The following AUTS2 variants were observed in gnomAD, a reference collection of about 807,000 sequenced individuals.
AUTS2 encodes the protein activator of transcription and developmental regulator AUTS2.
In AUTS2, 17 loss-of-function variants were observed where a neutral mutation model predicts 112.4. The observed-to-expected ratio is 0.15, with a 90% CI of 0.10 to 0.23. AUTS2 has a LOEUF of 0.23. AUTS2 is among the 10% of genes least tolerant of loss of function. The pLI is 1.00. For synonymous variants in AUTS2, 751 were observed against 702.7 expected, an observed-to-expected ratio of 1.07 and a Z score of -1.09; for missense variants, 1,510 against 1,701.6, an observed-to-expected ratio of 0.89 and a Z score of 1.98.
rs73170214 is a variant in AUTS2 at position 70,771,460 on chromosome 7, T to A, written c.1735-89T>A. 131,638 of 1,102,522 alleles carry A rather than the reference T, an allele frequency of 0.12. 8,384 individuals are homozygous for A. The highest frequency in any genetic ancestry group is 0.14 in the Non-Finnish European group (101,792 of 753,956). The allele number at this position is 1,102,522 out of a possible 1,614,324, so 68.3% of individuals were successfully genotyped here. On this transcript the variant is annotated intron_variant, in intron 10 of 18. Transcript: ENST00000342771. ...AAACTGAGATTACGTGGCTTGCTCA[T>A]GTCGATGTCTTTCTATGGGACGGGA...
chr7:69,614,367 T>TCTTTCTTTTCTTTCTTTTC lies in AUTS2; in HGVS notation c.309+14405_309+14406insCTTTCTTTTCTTTCTTTTC, dbSNP rs57602451. On this transcript the variant is annotated intron_variant, in intron 1 of 18. Transcript: ENST00000342771. ...TTCTTTCTTTCTTTCTTTCTTTCTT[T>TCTTTCTTTTCTTTCTTTTC]TTTTAAGAGATGGGATCTCACTCTG... 1.6e-4 allele frequency among the ~76,000 whole-genome samples: 14 copies of TCTTTCTTTTCTTTCTTTTC among 90,282 alleles called. 1 individual carries two copies. The highest frequency in any genetic ancestry group is 3.9e-4 in the East Asian group (1 of 2,536). The allele number at this position is 90,282 out of a possible 152,430, so 59.2% of individuals were successfully genotyped here. A position where few individuals can be genotyped will look rare whatever the true frequency, so the allele number is the denominator to read the frequency against.
rs547033685 is a variant in AUTS2 at position 70,347,459 on chromosome 7, T to A, written c.661-88293T>A. Among the ~76,000 whole-genome samples, 10 of 152,308 alleles carry A rather than the reference T, an allele frequency of 6.6e-5. No individual in the cohort carries two copies. In the South Asian group the frequency reaches 1.9e-3, roughly 28 times the overall value. On this transcript the variant is annotated intron_variant, in intron 4 of 18. Coordinates refer to ENST00000342771, the MANE Select transcript of AUTS2 (RefSeq NM_015570.4). ...GCTATTTAATGAAGGTGGGCATGTA[T>A]GGGTGAATATTCCCAGTGTTTCAGG...
At chr7:70,561,886 A>G (rs1409542455) in intron 5 of AUTS2, among the ~76,000 whole-genome samples, 1 of 151,868 alleles carries the variant, frequency 6.6e-6, no homozygotes, top group Non-Finnish European at 1.5e-5. Flanking sequence ...TTTTGTTGAC[A>G]TTGCATCTCC....
intron 1 of AUTS2, among the ~76,000 whole-genome samples, chr7:69,851,861 A>G (rs927286874): frequency 6.6e-6 from 1 of 152,186 alleles, no homozygotes; most frequent in Non-Finnish European, 1.5e-5. Flanking sequence ...GTTGACTTCT[A>G]GGAGTTTTTA....
intron 4 of AUTS2, among the ~76,000 whole-genome samples, chr7:70,332,301 A>C (rs978328066): frequency 4.6e-5 from 7 of 152,122 alleles, no homozygotes; most frequent in Admixed American, 3.9e-4. Flanking sequence ...CACTGTTCAT[A>C]GAAATAAGAG....
chr7:70,735,101 T>G (rs1787703371), intron 6 of AUTS2, among the ~76,000 whole-genome samples: 1 of 152,188 alleles, frequency 6.6e-6, no homozygotes, highest in Admixed American at 6.5e-5. Context: ...TCAATTCTGT[T>G]CATTTCATAT....
intron 4 of AUTS2, among the ~76,000 whole-genome samples, chr7:70,178,283 A>T (rs1349188291): frequency 6.6e-6 from 1 of 151,950 alleles, no homozygotes; most frequent in Non-Finnish European, 1.5e-5. Flanking sequence ...TGGCAGTACC[A>T]CTTGGATACC....
intron 2 of AUTS2, among the ~76,000 whole-genome samples, chr7:70,025,605 C>T (rs1196880150): frequency 6.6e-6 from 1 of 151,712 alleles, no homozygotes; most frequent in African/African-American, 2.4e-5. Context: ...GCATGCACTA[C>T]CATGCCTGGC....
At chr7:69,942,170 T>A (rs1235029142) in intron 2 of AUTS2, among the ~76,000 whole-genome samples, 1 of 152,196 alleles carries the variant, frequency 6.6e-6, no homozygotes, top group Non-Finnish European at 1.5e-5. Context: ...TCTTTACTTG[T>A]TTATGGTCTG....
intron 1 of AUTS2, among the ~76,000 whole-genome samples, chr7:69,632,790 A>G (rs1306487002): frequency 1.3e-5 from 2 of 152,134 alleles, no homozygotes; most frequent in Admixed American, 6.6e-5. Flanking sequence ...CTAAGTTTTC[A>G]TTTGGAAAAT....
chr7:69,921,327 GTTTTTTTTTTTT>G (rs11289784), intron 2 of AUTS2, among the ~76,000 whole-genome samples: 5 of 90,404 alleles, frequency 5.5e-5, no homozygotes, highest in South Asian at 4.9e-4. Flanking sequence ...TAGACTTGAA[GTTTTTTTTTTTT>G]TTTTTTTTTT....
At position 69,842,252 on chromosome 7, in the gene AUTS2, T is replaced by TA. The variant is rs541503376; in HGVS notation, c.310-57027dup. ...GTTTGGTAGATAAAATGGATTTTTT[T>TA]AAAAAAAGACTTGCAAAGAAGTGGA... is the stretch of plus-strand genomic sequence containing the variant. On this transcript the variant is annotated intron_variant, in intron 1 of 18. Transcript: ENST00000342771. Among the ~76,000 whole-genome samples, 436 of 152,206 alleles carry TA rather than the reference T, an allele frequency of 2.9e-3. 1 individual carries two copies. Among genetic ancestry groups the TA allele is most frequent in the African/African-American group, 9.7e-3 (401 of 41,536 alleles).
intron 6 of AUTS2, among the ~76,000 whole-genome samples, chr7:70,736,362 ACTTTT>A (rs1563161881): frequency 2.6e-5 from 2 of 76,198 alleles, no homozygotes; most frequent in East Asian, 5.4e-4. Context: ...ATGGAAAAAT[ACTTTT>A]ACTACCAAGT....
intron 5 of AUTS2, among the ~76,000 whole-genome samples, chr7:70,564,963 T>G (rs990273416): frequency 3.0e-4 from 46 of 152,006 alleles, no homozygotes; most frequent in Admixed American, 9.2e-4. Flanking sequence ...CCGGGGGTGG[T>G]GGTGCTCGCC....
At chr7:70,044,338 A>G (rs890070710) in intron 2 of AUTS2, among the ~76,000 whole-genome samples, 1 of 152,196 alleles carries the variant, frequency 6.6e-6, no homozygotes, top group Non-Finnish European at 1.5e-5. Context: ...TGTGTTGCCT[A>G]GAGTAATTCC....
chr7:69,911,201 CCATGCAAGGCTGTGGCTGGACAA>C (rs1239906636), intron 2 of AUTS2, among the ~76,000 whole-genome samples: 1 of 152,194 alleles, frequency 6.6e-6, no homozygotes, highest in Non-Finnish European at 1.5e-5. Flanking sequence ...GGTGCTGGCT[CCATGCAAGGCTGTGGCTGGACAA>C]GATGTACTGC....
chr7:70,113,360 T>C (rs540768374), intron 2 of AUTS2, among the ~76,000 whole-genome samples: 1 of 152,190 alleles, frequency 6.6e-6, no homozygotes. Flanking sequence ...AAGAATAAAA[T>C]AGTACAAATT....
intron 2 of AUTS2, among the ~76,000 whole-genome samples, chr7:69,946,546 A>G (rs1796816272): frequency 6.8e-6 from 1 of 146,852 alleles, no homozygotes; most frequent in African/African-American, 2.5e-5. Context: ...GATAAAGAAA[A>G]TGTGATGTGA....
At chr7:70,390,299 T>G (rs1161975039) in intron 4 of AUTS2, among the ~76,000 whole-genome samples, 1 of 152,182 alleles carries the variant, frequency 6.6e-6, no homozygotes, top group African/African-American at 2.4e-5. Flanking sequence ...TCTGATTCAG[T>G]AGATGTGGGT....
Sources: gnomAD v4.1 joint callset for allele counts (sites outside exome capture counted in the v4.1 genomes callset) on GRCh38, gnomAD v4.1.1 for gene constraint, MANE v1.5 for transcripts, NCBI Gene and HGNC (gene_info 2026-07-23, HGNC 2026-07-21) for gene names.